The following EPX variants were observed in gnomAD, a reference collection of about 807,000 sequenced individuals.
The protein encoded by EPX is eosinophil peroxidase.
A neutral mutation model predicts 73.0 loss-of-function variants in EPX; 60 were observed. The ratio of observed to expected loss-of-function variants is 0.82; its 90% CI spans 0.67 to 1.02. EPX has a LOEUF of 1.02. Ranked by LOEUF, EPX falls within the 50% of genes least tolerant of loss-of-function variation. The pLI is 0.00. For synonymous variants in EPX, 347 were observed against 389.2 expected (o/e 0.89, Z 1.28); for missense variants, 950 against 973.9 (o/e 0.98, Z 0.33).
Position 58,194,082 on chromosome 17 carries a change from T to G in EPX, c.584T>G (p.Leu195Arg). ...WTPSRRRNGF[L>R]LPLVRAVSNQ... ...CCCAGCAGGAGGCGCAATGGCTTCC[T>G]TCTCCCTCTTGTGAGTTGGGGCTGA... is the stretch of plus-strand genomic sequence containing the variant. The change falls in exon 5 of 13, where the codon CTT (leucine) becomes CGT (arginine). Residue 195 changes from leucine (L) to arginine (R), a missense_variant. Leu to Arg is a moderately radical substitution (Grantham distance 102). Transcript: ENST00000225371. 6.2e-7 allele frequency: 1 copy of G among 1,613,380 alleles called. No homozygotes were observed. The highest frequency in any genetic ancestry group is 8.5e-7 in the Non-Finnish European group (1 of 1,179,992).
At chr17:58,198,925 G>A in intron 7 of EPX, 115 bp from the exon 8 acceptor site, 3 of 1,065,490 alleles carry the variant, frequency 2.8e-6, no homozygotes, top group Non-Finnish European at 4.3e-6. Context: ...GAGGTCCAGT[G>A]AGGGCCAGGA....
intron 7 of EPX, among the ~76,000 whole-genome samples, chr17:58,197,875 G>A (rs980854413): frequency 1.3e-5 from 2 of 151,944 alleles, no homozygotes; most frequent in African/African-American, 4.8e-5. Flanking sequence ...TCACTCTGTC[G>A]CCCAGGCTGG....
In EPX at chr17:58,200,323, C is replaced by G. The variant is rs150579989; in HGVS notation, c.1636C>G (p.Arg546Gly). 1.1e-5 allele frequency: 18 copies of G among 1,614,212 alleles called. 1 individual carries two copies. Among genetic ancestry groups the G allele is most frequent in the East Asian group, 2.2e-5 (1 of 44,878 alleles). ...LVDELRDRLFRQVRRIGLDLA... is the reference protein window; with the variant it reads ...LVDELRDRLFGQVRRIGLDLA... ...GGATGAGCTCCGGGACCGGCTGTTT[C>G]GGCAAGTGAGGAGGATTGGGCTGGA... Residue 546 changes from arginine to glycine, a missense_variant, in exon 10 of 13, where the codon CGG becomes GGG. By Grantham distance (125) the Arg-to-Gly change is moderately radical. Coordinates refer to ENST00000225371, the MANE Select transcript of EPX (RefSeq NM_000502.6).
At chr17:58,200,476 C>T (rs764613521) in intron 10 of EPX, 81 bp downstream of exon 10, 68 of 1,397,282 alleles carry the variant, frequency 4.9e-5, no homozygotes, top group Non-Finnish European at 5.9e-5. Context: ...CTGGTACCTC[C>T]TTTCTGACTG....
intron 9 of EPX, 39 bp downstream of exon 9, chr17:58,199,833 G>A (rs778765464): frequency 2.5e-6 from 4 of 1,590,680 alleles, no homozygotes; most frequent in Non-Finnish European, 2.6e-6. Flanking sequence ...GGGTGAGGGT[G>A]GGGAGCATGC....
In EPX at chr17:58,193,116, A is replaced by T. The variant is rs977713328; in HGVS notation, c.155A>T (p.Asn52Ile). Residue 52 changes from asparagine (N) to isoleucine (I), a missense_variant, in exon 2 of 13, where the codon AAT becomes ATT. By Grantham distance (149) the Asn-to-Ile change is moderately radical (BLOSUM62 -3). Transcript: ENST00000225371. Reference protein sequence around the residue: ...EAKLLVDAAYNWTQKSIKQRL... With the variant: ...EAKLLVDAAYIWTQKSIKQRL... ...AAGTTGCTGGTGGATGCTGCCTACA[A>T]TTGGACCCAGAAGAGGTGGACTTGG... 5.0e-6 allele frequency: 8 copies of T among 1,610,710 alleles called. No individual in the cohort carries two copies. The highest frequency in any genetic ancestry group is 2.7e-5 in the African/African-American group (2 of 74,840).
Position 58,193,792 on chromosome 17 carries a change from G to A in EPX, c.425G>A (p.Ser142Asn), listed in dbSNP as rs575776500. The A allele has an allele frequency of 2.5e-6, 4 of 1,613,434 alleles. No homozygotes were observed. The highest frequency in any genetic ancestry group is 1.8e-4 in the Middle Eastern group (1 of 5,574). ...CTCCGGGACCAGGCCGAGCGCTGCA[G>A]CGACAAGTACCGCACCATCACTGGA... Reference protein sequence around the residue: ...CALRDQAERCSDKYRTITGRC... With the variant: ...CALRDQAERCNDKYRTITGRC... The change falls in exon 4 of 13, where the codon AGC becomes AAC. Residue 142 changes from serine (S) to asparagine (N), a missense_variant. Coordinates refer to ENST00000225371, the MANE Select transcript of EPX (RefSeq NM_000502.6).
rs530885203 is a variant in EPX at position 58,199,310 on chromosome 17, G to A, written c.1281+110G>A. ...AAAACCAGCTGGGTCTGGGCAACTG[G>A]CGGAGCACCTGGACCTGTCCTCTGG... On this transcript the variant is annotated intron_variant, in intron 8 of 12. Coordinates refer to ENST00000225371, the MANE Select transcript of EPX (RefSeq NM_000502.6). The A allele has an allele frequency of 1.6e-5, 20 of 1,264,080 alleles. No individual in the cohort carries two copies. The South Asian group carries it at 2.4e-4, about 15-fold the overall frequency. The allele number at this position is 1,264,080 out of a possible 1,614,324, so 78.3% of individuals were successfully genotyped here.
rs775623095 is a variant in EPX, at chr17:58,204,349, A to T, written c.2074A>T (p.Asn692Tyr). 2.5e-6 allele frequency: 4 copies of T among 1,613,992 alleles called. No homozygotes were observed. In the Admixed American group the frequency reaches 6.7e-5, roughly 27 times the overall value. ...GGTTTCAAGGGACATCTTCAGAGCCAACATCTACCCTCGGGGCTTTGTGAA... is the reference window on the plus strand; with the variant it reads ...GGTTTCAAGGGACATCTTCAGAGCCTACATCTACCCTCGGGGCTTTGTGAA... The part of the protein sequence containing the change: ...TTVSRDIFRA[N>Y]IYPRGFVNCS... Residue 692 changes from asparagine to tyrosine, a missense_variant, in exon 12 of 13, where the codon AAC (asparagine) becomes TAC (tyrosine). Coordinates refer to ENST00000225371, the MANE Select transcript of EPX (RefSeq NM_000502.6).
chr17:58,200,714 A>G (rs1968329046), intron 10 of EPX, among the ~76,000 whole-genome samples: 1 of 152,228 alleles, frequency 6.6e-6, no homozygotes, highest in Admixed American at 6.5e-5. Flanking sequence ...GCAGGGAAGA[A>G]CTGCTCCATT....
intron 6 of EPX, 119 bp from the exon 7 acceptor site, chr17:58,196,820 A>C: frequency 1.2e-6 from 1 of 805,148 alleles, no homozygotes; most frequent in Non-Finnish European, 2.1e-6. Context: ...GGGTGAGTCA[A>C]GGAGGGCTTC....
Position 58,197,428 on chromosome 17 carries a change from T to C in EPX, c.1120+171T>C, listed in dbSNP as rs1968275322. ...TCATAGAATCAGAACGTTGAGTCCC[T>C]TTGCAAGCTCCCTGTGTGTGGCCAG... On this transcript the variant is annotated intron_variant, in intron 7 of 12. Transcript: ENST00000225371. Among the ~76,000 whole-genome samples, 2 of 152,078 alleles carry C rather than the reference T, an allele frequency of 1.3e-5. 1 individual carries two copies.
At chr17:58,200,485 TG>T in intron 10 of EPX, 90 bp downstream of exon 10, 4 of 1,326,818 alleles carry the variant, frequency 3.0e-6, no homozygotes, top group African/African-American at 2.9e-5. Context: ...CCTTTCTGAC[TG>T]GGACTGTCTA....
At chr17:58,201,133 C>T (rs1456165038) in intron 10 of EPX, among the ~76,000 whole-genome samples, 1 of 152,230 alleles carries the variant, frequency 6.6e-6, no homozygotes, top group Non-Finnish European at 1.5e-5. Flanking sequence ...TTGGCCACTG[C>T]CTTGCTCCTC....
Position 58,193,744 on chromosome 17 carries a change from T to A in EPX, c.377T>A (p.Leu126Gln). 6.2e-7 allele frequency: 1 copy of A among 1,612,454 alleles called. No individual in the cohort carries two copies. The highest frequency in any genetic ancestry group is 8.5e-7 in the Non-Finnish European group (1 of 1,179,844). Residue 126 changes from leucine (L) to glutamine (Q), a missense_variant, in exon 4 of 13, where the codon CTG becomes CAG. Physicochemically the swap from Leu to Gln is moderately radical, Grantham distance 113 (BLOSUM62 -2). Transcript: ENST00000225371. ...CTAACAGAACCACAGCTGCGGCTGC[T>A]GTCCCAGGCCAGTGGCTGTGCTCTC... ...DVLTEPQLRL[L>Q]SQASGCALRD...
rs978540606 is a variant in EPX at position 58,193,039 on chromosome 17, C to T, written c.78C>T (p.Ala26=). 1 of 1,610,806 alleles carries T rather than the reference C, an allele frequency of 6.2e-7. No homozygotes were observed. Among genetic ancestry groups the T allele is most frequent in the Non-Finnish European group, 8.5e-7 (1 of 1,176,886 alleles). ...CTGAGTCCCCATCTCTTTGAACAGC[C>T]TCCCCTGGGGCAGTGGAGACCTCGG... ...LAQPCEGTDP[A]SPGAVETSVL... The change falls in exon 2 of 13, where the codon GCC becomes GCT. Residue 26 remains alanine, a splice_region_variant and synonymous_variant. Coordinates refer to ENST00000225371, the MANE Select transcript of EPX (RefSeq NM_000502.6).
chr17:58,195,141 G>GCCCAGCTGCC lies in EPX; in HGVS notation c.776_785dup (p.Cys263AlafsTer13). On this transcript the variant is annotated frameshift_variant, in exon 6 of 13. Coordinates refer to ENST00000225371, the MANE Select transcript of EPX (RefSeq NM_000502.6). LOFTEE classifies it high-confidence loss of function. ...AGGCGTTGACTGTGAGAGGACCTGC[G>GCCCAGCTGCC]CCCAGCTGCCCCCCTGCTTTCCCAT... 6.2e-7 allele frequency: 1 copy of GCCCAGCTGCC among 1,613,948 alleles called. No individual in the cohort carries two copies. Among genetic ancestry groups the GCCCAGCTGCC allele is most frequent in the Non-Finnish European group, 8.5e-7 (1 of 1,179,886 alleles).
chr17:58,197,512 C>A (rs980103322), intron 7 of EPX, among the ~76,000 whole-genome samples: 1 of 152,240 alleles, frequency 6.6e-6, no homozygotes, highest in Non-Finnish European at 1.5e-5. Flanking sequence ...GGCACCCCAG[C>A]TCAGCCACAG....
chr17:58,197,744 G>A (rs1968281319), intron 7 of EPX, among the ~76,000 whole-genome samples: 1 of 152,024 alleles, frequency 6.6e-6, no homozygotes, highest in African/African-American at 2.4e-5. Context: ...ACCCTCTTCT[G>A]GAAGCATAAT....
Sources: allele counts gnomAD v4.1 joint callset (sites outside exome capture counted in the v4.1 genomes callset), GRCh38; gene constraint gnomAD v4.1.1; transcripts MANE v1.5; gene names NCBI Gene and HGNC (gene_info 2026-07-23, HGNC 2026-07-21).